Variants in LRRC28 observed in about 807,000 individuals in gnomAD.
LRRC28 encodes the protein leucine-rich repeat-containing protein 28.
Under a neutral mutation model 45.7 loss-of-function variants are expected in LRRC28, and 39 were observed. The ratio of observed to expected loss-of-function variants is 0.85; its 90% CI spans 0.66 to 1.12. The LOEUF (loss-of-function observed/expected upper bound fraction) is 1.12. Among genes scored for constraint, LRRC28 ranks in the 50% most tolerant of loss-of-function variants. LRRC28 has a pLI of 0.00. For missense variants in LRRC28, 435 were observed against 438.5 expected, an observed-to-expected ratio of 0.99 and a Z score of 0.07; for synonymous variants, 206 against 178.8, an observed-to-expected ratio of 1.15 and a Z score of -1.22.
Position 99,386,326 on chromosome 15 carries a change from A to G in LRRC28, c.*224A>G, listed in dbSNP as rs767491644. On this transcript the variant is annotated 3_prime_UTR_variant, in exon 10 of 10. Transcript: ENST00000301981. ...TTTGTCTTCTGTGTTTTTCCTTTTT[A>G]TGTGAGTGTGTCTTTTACAGAAACC... 13 of 483,028 alleles carry G rather than the reference A, an allele frequency of 2.7e-5. No homozygotes were observed. Among genetic ancestry groups the G allele is most frequent in the Non-Finnish European group, 4.8e-5 (13 of 271,664 alleles). The allele number at this position is 483,028 out of a possible 1,614,324, so 29.9% of individuals were successfully genotyped here. A position where few individuals can be genotyped will look rare whatever the true frequency, so the allele number is the denominator to read the frequency against.
intron 1 of LRRC28, among the ~76,000 whole-genome samples, chr15:99,254,785 G>A (rs997570462): frequency 2.0e-5 from 3 of 152,150 alleles, no homozygotes; most frequent in Non-Finnish European, 4.4e-5. Flanking sequence ...TGGATAAAAC[G>A]GCAAATGTTA....
intron 1 of LRRC28, 58 bp downstream of exon 1, chr15:99,251,599 C>G (rs12912590): frequency 6.6e-6 from 1 of 152,322 alleles, no homozygotes; most frequent in African/African-American, 2.4e-5. Context: ...TCTGACCCGG[C>G]CCCCCGGCGG....
rs1157259454 is a variant in LRRC28 at position 99,363,136 on chromosome 15, C to T, written c.902C>T (p.Pro301Leu). 1 of 1,612,770 alleles carries T rather than the reference C, an allele frequency of 6.2e-7. No individual in the cohort carries two copies. Among genetic ancestry groups the T allele is most frequent in the Non-Finnish European group, 8.5e-7 (1 of 1,179,448 alleles). ...DLNFLSPISLPRSLLELLHCP... is the reference protein window; with the variant it reads ...DLNFLSPISLLRSLLELLHCP... ...AACTTTCTGTCTCCAATCTCATTACCCAGAAGTCTCCTAGAGCTGCTGCAC... is the reference window on the plus strand; with the variant it reads ...AACTTTCTGTCTCCAATCTCATTACTCAGAAGTCTCCTAGAGCTGCTGCAC... Residue 301 changes from proline to leucine, a missense_variant, in exon 9 of 10, where the codon CCC (proline) becomes CTC (leucine). Transcript: ENST00000301981.
chr15:99,352,557 A>G (rs1247826019), intron 7 of LRRC28, 86 bp downstream of exon 7: 4 of 1,042,464 alleles, frequency 3.8e-6, no homozygotes, highest in Non-Finnish European at 5.8e-6. Context: ...CCTTGATGAT[A>G]TGCTAAACCA....
At chr15:99,288,253 A>G (rs2082011369) in intron 5 of LRRC28, among the ~76,000 whole-genome samples, 1 of 152,160 alleles carries the variant, frequency 6.6e-6, no homozygotes, top group African/African-American at 2.4e-5. Flanking sequence ...TCAGTTCTGA[A>G]TTTCACATAA....
At chr15:99,326,744 CT>C (rs1955991779) in intron 5 of LRRC28, among the ~76,000 whole-genome samples, 1 of 152,110 alleles carries the variant, frequency 6.6e-6, no homozygotes, top group Admixed American at 6.5e-5. Flanking sequence ...CATCTCAGAC[CT>C]ACTTGTTCAT....
At position 99,387,153 on chromosome 15, in the gene LRRC28, C is replaced by CTG. The variant is rs1248036938; in HGVS notation, c.*1051_*1052insTG. 1 of 149,760 alleles carries CTG rather than the reference C, an allele frequency of 6.7e-6. No individual in the cohort carries two copies. Among genetic ancestry groups the CTG allele is most frequent in the Admixed American group, 6.7e-5 (1 of 14,984 alleles). 9.3% of individuals were successfully genotyped at this position (149,760 alleles called of 1,614,324 possible). A position where few individuals can be genotyped will look rare whatever the true frequency, so the allele number is the denominator to read the frequency against. On this transcript the variant is annotated 3_prime_UTR_variant, in exon 10 of 10. Transcript: ENST00000301981. ...TCGGCTCACTGCAAGCTCCGCCTCC[C>CTG]GGGTTCACGCCATTCTCCTGCCTCA...
chr15:99,252,815 T>C (rs536514055), intron 1 of LRRC28, among the ~76,000 whole-genome samples: 2 of 152,344 alleles, frequency 1.3e-5, no homozygotes, highest in South Asian at 2.1e-4. Context: ...GTTTGTTACA[T>C]AGGTAAACGT....
At position 99,269,203 on chromosome 15, in the gene LRRC28, A is replaced by G. The variant is rs185528547; in HGVS notation, c.169-7373A>G. On this transcript the variant is annotated intron_variant, in intron 2 of 9. Coordinates refer to ENST00000301981, the MANE Select transcript of LRRC28 (RefSeq NM_144598.5). Reference sequence around the variant, plus strand: ...AGATACTTAAAATATTTTCATTTACATTTCTTAAGATGACAATTTTAATTT... The same window carrying G: ...AGATACTTAAAATATTTTCATTTACGTTTCTTAAGATGACAATTTTAATTT... Among the ~76,000 whole-genome samples, 68 of 152,334 alleles carry G rather than the reference A, an allele frequency of 4.5e-4. No individual in the cohort carries two copies. The East Asian group carries it at 6.2e-3, about 14-fold the overall frequency.
At chr15:99,339,515 G>C (rs958449658) in intron 6 of LRRC28, among the ~76,000 whole-genome samples, 5 of 152,178 alleles carry the variant, frequency 3.3e-5, no homozygotes, top group Non-Finnish European at 5.9e-5. Flanking sequence ...TGGATCACTT[G>C]AGGTCAGGAG....
chr15:99,264,078 A>G (rs1029578395), intron 2 of LRRC28, among the ~76,000 whole-genome samples: 6 of 152,240 alleles, frequency 3.9e-5, no homozygotes, highest in Non-Finnish European at 7.3e-5. Context: ...TCTTCTGCAG[A>G]AGGGTGCTGC....
intron 9 of LRRC28, among the ~76,000 whole-genome samples, chr15:99,363,865 C>T (rs2152328053): frequency 6.6e-6 from 1 of 152,288 alleles, no homozygotes; most frequent in African/African-American, 2.4e-5. Flanking sequence ...ATGAAAAATT[C>T]CCCACTTGCA....
intron 2 of LRRC28, chr15:99,257,646 T>C (rs927833557): frequency 1.4e-6 from 1 of 719,650 alleles, no homozygotes; most frequent in African/African-American, 1.7e-5. Flanking sequence ...GCCCTGTGGG[T>C]GCTGGGGCCT....
chr15:99,252,464 G>A (rs1478748271), intron 1 of LRRC28, among the ~76,000 whole-genome samples: 2 of 152,162 alleles, frequency 1.3e-5, no homozygotes, highest in East Asian at 1.9e-4. Context: ...CAGGTTACAG[G>A]GACTGTCTTA....
At chr15:99,361,628 A>G in intron 8 of LRRC28, 117 bp downstream of exon 8, 1 of 972,538 alleles carries the variant, frequency 1.0e-6, no homozygotes. Context: ...AATACACATA[A>G]CACGAAAGTA....
chr15:99,337,842 T>G (rs760379545), intron 6 of LRRC28: 2 of 152,342 alleles, frequency 1.3e-5, no homozygotes, highest in Middle Eastern at 6.8e-3. Context: ...TGTGAGTAGG[T>G]TTTACTTTAC....
chr15:99,282,511 G>C (rs1013640384), intron 3 of LRRC28, among the ~76,000 whole-genome samples: 1 of 151,972 alleles, frequency 6.6e-6, no homozygotes, highest in African/African-American at 2.4e-5. Flanking sequence ...TTATAATACT[G>C]TGTTTTTACT....
intron 6 of LRRC28, among the ~76,000 whole-genome samples, chr15:99,334,348 C>G (rs540123154): frequency 6.6e-6 from 1 of 151,160 alleles, no homozygotes; most frequent in East Asian, 1.9e-4. Flanking sequence ...TGTGCTAAAA[C>G]TGTGTTTAGG....
At chr15:99,372,937 CAA>C (rs901496231) in intron 9 of LRRC28, among the ~76,000 whole-genome samples, 1 of 151,980 alleles carries the variant, frequency 6.6e-6, no homozygotes, top group African/African-American at 2.4e-5. Context: ...AACTGCTGAG[CAA>C]AGAGGGAAAC....
Sources: allele counts gnomAD v4.1 joint callset (sites outside exome capture counted in the v4.1 genomes callset), GRCh38; gene constraint gnomAD v4.1.1; transcripts MANE v1.5; gene names NCBI Gene and HGNC (gene_info 2026-07-23, HGNC 2026-07-21).